The following ESRRG variants were observed in gnomAD, a reference collection of about 807,000 sequenced individuals.
ESRRG encodes estrogen related receptor gamma, also known as estrogen-related receptor gamma.
In ESRRG, 13 loss-of-function variants were observed where a neutral mutation model predicts 44.0. The ratio of observed to expected loss-of-function variants is 0.30; its 90% confidence interval spans 0.19 to 0.47. ESRRG has a LOEUF of 0.47. ESRRG is among the 20% of genes least tolerant of loss of function. ESRRG has a pLI of 1.00. For synonymous variants in ESRRG, 215 were observed against 214.6 expected, an observed-to-expected ratio of 1.00 and a Z score of -0.02; for missense variants, 395 against 580.6, an observed-to-expected ratio of 0.68 and a Z score of 3.29.
chr1:216,673,358 C>A (rs1443586635), intron 2 of ESRRG, among the ~76,000 whole-genome samples: 7 of 152,220 alleles, frequency 4.6e-5, no homozygotes, highest in African/African-American at 1.7e-4. Flanking sequence ...CTTTTTGGGG[C>A]TAAGTGAGCA....
chr1:217,008,931 A>G (rs564361312), intron 1 of ESRRG, among the ~76,000 whole-genome samples: 1 of 152,322 alleles, frequency 6.6e-6, no homozygotes, highest in East Asian at 1.9e-4. Context: ...TTGAGACTTT[A>G]ATCAGAGATT....
chr1:216,841,416 T>C (rs1231335339), intron 2 of ESRRG, among the ~76,000 whole-genome samples: 1 of 152,154 alleles, frequency 6.6e-6, no homozygotes, highest in Non-Finnish European at 1.5e-5. Flanking sequence ...GTTTGTACAC[T>C]ATCCTTGTCC....
intron 5 of ESRRG, among the ~76,000 whole-genome samples, chr1:216,563,307 T>G (rs2059117162): frequency 6.6e-6 from 1 of 152,182 alleles, no homozygotes. Context: ...CAAATTAGCT[T>G]CACTGCGATA....
intron 2 of ESRRG, among the ~76,000 whole-genome samples, chr1:216,664,130 T>C (rs2073263129): frequency 6.6e-6 from 1 of 152,180 alleles, no homozygotes; most frequent in Non-Finnish European, 1.5e-5. Context: ...ATTTTGCCCA[T>C]GGATTAAAAT....
At chr1:216,765,321 T>G (rs527717624) in intron 2 of ESRRG, among the ~76,000 whole-genome samples, 2 of 151,998 alleles carry the variant, frequency 1.3e-5, no homozygotes, top group African/African-American at 4.8e-5. Context: ...ATGGCTCTAT[T>G]TACTGAATTT....
At chr1:217,062,374 A>T (rs1235956997) in intron 1 of ESRRG, among the ~76,000 whole-genome samples, 1 of 152,158 alleles carries the variant, frequency 6.6e-6, no homozygotes, top group East Asian at 1.9e-4. Flanking sequence ...TGCCTATTAA[A>T]CACCCTACCT....
chr1:216,583,529 G>A (rs1455894773), intron 3 of ESRRG, among the ~76,000 whole-genome samples: 1 of 152,202 alleles, frequency 6.6e-6, no homozygotes, highest in East Asian at 1.9e-4. Context: ...GGCAGCATGA[G>A]GCATCCCCTC....
intron 1 of ESRRG, among the ~76,000 whole-genome samples, chr1:216,694,631 A>G (rs2079749617): frequency 2.0e-5 from 3 of 151,942 alleles, no homozygotes; most frequent in African/African-American, 7.3e-5. Flanking sequence ...ATCAGAGCTT[A>G]CTGAAGCCTC....
intron 1 of ESRRG, among the ~76,000 whole-genome samples, chr1:216,688,671 A>C (rs1203617957): frequency 6.6e-6 from 1 of 152,190 alleles, no homozygotes; most frequent in East Asian, 1.9e-4. Context: ...CAGCCAATGC[A>C]GAGATATGAA....
intron 1 of ESRRG, among the ~76,000 whole-genome samples, chr1:216,721,751 C>G (rs944176307): frequency 2.0e-5 from 3 of 152,206 alleles, no homozygotes; most frequent in Non-Finnish European, 2.9e-5. Context: ...CTTCCTGACA[C>G]GAAGACGTCT....
chr1:216,540,963 T>C (rs938788712), intron 5 of ESRRG, among the ~76,000 whole-genome samples: 1 of 152,050 alleles, frequency 6.6e-6, no homozygotes, highest in Non-Finnish European at 1.5e-5. Flanking sequence ...CCCGGGAAGA[T>C]GACATTTACT....
At chr1:216,997,568 T>G (rs2076524295) in intron 1 of ESRRG, among the ~76,000 whole-genome samples, 1 of 152,224 alleles carries the variant, frequency 6.6e-6, no homozygotes, top group Non-Finnish European at 1.5e-5. Flanking sequence ...AGTTGTTACA[T>G]TATAGATTCT....
intron 1 of ESRRG, among the ~76,000 whole-genome samples, chr1:217,105,615 A>G (rs1019839146): frequency 2.6e-5 from 4 of 152,002 alleles, no homozygotes; most frequent in African/African-American, 9.7e-5. Context: ...GCCACCACTT[A>G]CCACTTGCTG....
rs367919143 is a variant in ESRRG at position 216,662,626 on chromosome 1, T to TGGG, written c.473-11540_473-11538dup. ...ATAGAGGAAAACTTAGCAGGGAGAG[T>TGGG]GGGGGGGTTCCTGTTTGATGATTGT... On this transcript the variant is annotated intron_variant, in intron 2 of 6. Transcript: ENST00000408911. Among the ~76,000 whole-genome samples the TGGG allele has an allele frequency of 6.6e-3, 994 of 150,948 alleles. 12 individuals are homozygous for TGGG. The highest frequency in any genetic ancestry group is 0.023 in the African/African-American group (928 of 40,998).
intron 3 of ESRRG, among the ~76,000 whole-genome samples, chr1:216,578,926 T>C (rs1222808475): frequency 6.6e-6 from 1 of 152,094 alleles, no homozygotes; most frequent in Non-Finnish European, 1.5e-5. Context: ...TCTTGAGGAA[T>C]GTAAGGTCTC....
intron 2 of ESRRG, among the ~76,000 whole-genome samples, chr1:216,664,490 T>A (rs2073357320): frequency 6.6e-6 from 1 of 150,428 alleles, no homozygotes; most frequent in African/African-American, 2.4e-5. Flanking sequence ...GTTAACAAAT[T>A]CTTCACCTAA....
chr1:216,924,309 T>C (rs116054795), intron 2 of ESRRG, among the ~76,000 whole-genome samples: 3 of 152,166 alleles, frequency 2.0e-5, no homozygotes, highest in Non-Finnish European at 2.9e-5. Context: ...TATCCTAACA[T>C]GCAGATTTCC....
intron 1 of ESRRG, among the ~76,000 whole-genome samples, chr1:217,077,291 T>C (rs1297036939): frequency 6.6e-6 from 1 of 152,188 alleles, no homozygotes; most frequent in African/African-American, 2.4e-5. Flanking sequence ...ATTAATCTCA[T>C]AAACATAAGT....
chr1:216,867,626 T>G (rs780460391), intron 2 of ESRRG, among the ~76,000 whole-genome samples: 3 of 152,188 alleles, frequency 2.0e-5, no homozygotes, highest in Non-Finnish European at 4.4e-5. Flanking sequence ...TAGCATGCTT[T>G]GTAAGTCCAA....
Sources: allele counts gnomAD v4.1 joint callset (sites outside exome capture counted in the v4.1 genomes callset), GRCh38; gene constraint gnomAD v4.1.1; transcripts MANE v1.5; gene names NCBI Gene and HGNC (gene_info 2026-07-23, HGNC 2026-07-21).